SLC25A31: variants seen among roughly 807,000 people sequenced by gnomAD.
The protein encoded by SLC25A31 is ADP/ATP translocase 4.
In SLC25A31, 40 loss-of-function variants were observed where a neutral mutation model predicts 36.2. The ratio of observed to expected loss-of-function variants is 1.10; its 90% confidence interval spans 0.86 to 1.44. The LOEUF (loss-of-function observed/expected upper bound fraction) is 1.44. Ranked by LOEUF, SLC25A31 falls within the 40% of genes most tolerant of loss-of-function variation. The pLI is 0.00. For synonymous variants in SLC25A31, 143 were observed against 149.7 expected, an observed-to-expected ratio of 0.96 and a Z score of 0.32; for missense variants, 350 against 397.1, an observed-to-expected ratio of 0.88 and a Z score of 1.01.
chr4:127,736,035 G>A (rs1453248425), intron 1 of SLC25A31, among the ~76,000 whole-genome samples: 2 of 150,298 alleles, frequency 1.3e-5, no homozygotes, highest in African/African-American at 2.4e-5. Flanking sequence ...GACTACAGGC[G>A]CCCGCTACCA....
At position 127,735,807 on chromosome 4, in the gene SLC25A31, C is replaced by CAA. The variant is rs34015425; in HGVS notation, c.232+5045_232+5046dup. On this transcript the variant is annotated intron_variant, in intron 1 of 5. Transcript: ENST00000281154. ...ATCAAAACATGTTGAACCTCCCCTG[C>CAA]AAAAAAAAAAAAAAAATGTTGGTTT... 5.8e-3 allele frequency among the ~76,000 whole-genome samples: 613 copies of CAA among 105,354 alleles called. 8 individuals are homozygous for CAA. Among genetic ancestry groups the CAA allele is most frequent in the South Asian group, 0.015 (52 of 3,414 alleles). 69.1% of individuals were successfully genotyped at this position (105,354 alleles called of 152,430 possible).
At chr4:127,739,680 T>C (rs1481529000) in intron 1 of SLC25A31, among the ~76,000 whole-genome samples, 1 of 152,174 alleles carries the variant, frequency 6.6e-6, no homozygotes, top group Admixed American at 6.5e-5. Flanking sequence ...ATATGTTTTT[T>C]GGGTTGTTTA....
intron 5 of SLC25A31, among the ~76,000 whole-genome samples, chr4:127,769,627 C>T (rs540522088): frequency 6.6e-6 from 1 of 152,304 alleles, no homozygotes. Flanking sequence ...CTATGCTAAG[C>T]TCTGGTGACA....
At position 127,743,209 on chromosome 4, in the gene SLC25A31, C is replaced by A. The variant is rs146227215; in HGVS notation, c.233-1463C>A. On this transcript the variant is annotated intron_variant, in intron 1 of 5. Coordinates refer to ENST00000281154, the MANE Select transcript of SLC25A31 (RefSeq NM_031291.4). ...GAGGTTGTGTGATCATAGCTCACTG[C>A]AGCCTCTACGTCCTCAGCTCAAGAA... Among the ~76,000 whole-genome samples the A allele has an allele frequency of 2.0e-3, 301 of 150,858 alleles. 7 individuals carry two copies. In the East Asian group the frequency reaches 0.038, roughly 19 times the overall value.
chr4:127,767,520 A>G (rs527298878), intron 4 of SLC25A31, among the ~76,000 whole-genome samples: 1 of 152,300 alleles, frequency 6.6e-6, no homozygotes, highest in South Asian at 2.1e-4. Flanking sequence ...AATCATTGGT[A>G]TATGGAAAGG....
intron 4 of SLC25A31, among the ~76,000 whole-genome samples, chr4:127,767,585 T>A (rs538369541): frequency 6.6e-6 from 1 of 152,322 alleles, no homozygotes; most frequent in South Asian, 2.1e-4. Flanking sequence ...CTTTTTTATA[T>A]TCAAATAATA....
At chr4:127,758,475 C>A (rs933349207) in intron 2 of SLC25A31, among the ~76,000 whole-genome samples, 2 of 152,082 alleles carry the variant, frequency 1.3e-5, no homozygotes, top group Admixed American at 6.6e-5. Context: ...GAAGCTTTTT[C>A]AGTCCCATTT....
rs1436599171 is a variant in SLC25A31, at chr4:127,773,486, A to G, written c.860A>G (p.Asn287Ser). The G allele has an allele frequency of 5.6e-6, 9 of 1,614,000 alleles. No individual in the cohort carries two copies. Among genetic ancestry groups the G allele is most frequent in the Middle Eastern group, 1.6e-4 (1 of 6,084 alleles). ...TCCTTTTTTCGTGGCGCCTTCTCCAATGTTCTTCGCGGTACAGGGGGTGCT... is the reference window on the plus strand; with the variant it reads ...TCCTTTTTTCGTGGCGCCTTCTCCAGTGTTCTTCGCGGTACAGGGGGTGCT... ...ISSFFRGAFS[N>S]VLRGTGGALV... is the part of the protein sequence containing the mutation. The change falls in exon 6 of 6, where the codon AAT (asparagine) becomes AGT (serine). Residue 287 changes from asparagine to serine, a missense_variant. Transcript: ENST00000281154.
intron 2 of SLC25A31, among the ~76,000 whole-genome samples, chr4:127,753,866 G>T (rs1229142774): frequency 6.6e-6 from 1 of 152,054 alleles, no homozygotes; most frequent in Non-Finnish European, 1.5e-5. Context: ...TAGAAGAAAA[G>T]AAAATTACAG....
chr4:127,770,415 A>C, intron 5 of SLC25A31, among the ~76,000 whole-genome samples: 1 of 152,088 alleles, frequency 6.6e-6, no homozygotes, highest in South Asian at 2.1e-4. Flanking sequence ...TCACGAAGTC[A>C]AGAGATCAAG....
chr4:127,764,257 T>G lies in SLC25A31; in HGVS notation c.375T>G (p.Phe125Leu), dbSNP rs1732196593. ...VNKEKQFWRWFLANLASGGAA... is the reference protein window; with the variant it reads ...VNKEKQFWRWLLANLASGGAA... ...ATATGTTTCAGTTCTGGAGGTGGTTTTTGGCAAACCTGGCTTCTGGTGGAG... is the reference window on the plus strand; with the variant it reads ...ATATGTTTCAGTTCTGGAGGTGGTTGTTGGCAAACCTGGCTTCTGGTGGAG... Residue 125 changes from phenylalanine (F) to leucine (L), a missense_variant, in exon 3 of 6, where the codon TTT becomes TTG. Physicochemically the swap from Phe to Leu is conservative, Grantham distance 22. Coordinates refer to ENST00000281154, the MANE Select transcript of SLC25A31 (RefSeq NM_031291.4). 1 of 1,613,834 alleles carries G rather than the reference T, an allele frequency of 6.2e-7. No individual in the cohort carries two copies. The highest frequency in any genetic ancestry group is 8.5e-7 in the Non-Finnish European group (1 of 1,179,888).
chr4:127,773,534 A>T lies in SLC25A31; in HGVS notation c.908A>T (p.Lys303Ile), dbSNP rs761506185. 3 of 1,602,196 alleles carry T rather than the reference A, an allele frequency of 1.9e-6. No homozygotes were observed. Among genetic ancestry groups the T allele is most frequent in the South Asian group, 1.1e-5 (1 of 88,122 alleles). ...GGALVLVLYD[K>I]IKEFFHIDIG... Reference sequence around the variant, plus strand: ...GCTTTGGTGTTGGTATTATATGATAAAATTAAAGAATTCTTTCATATTGAT... The same window carrying T: ...GCTTTGGTGTTGGTATTATATGATATAATTAAAGAATTCTTTCATATTGAT... The change falls in exon 6 of 6, where the codon AAA becomes ATA. Residue 303 changes from lysine to isoleucine, a missense_variant. Coordinates refer to ENST00000281154, the MANE Select transcript of SLC25A31 (RefSeq NM_031291.4).
chr4:127,763,879 T>C (rs1422001568), intron 2 of SLC25A31, among the ~76,000 whole-genome samples: 1 of 152,044 alleles, frequency 6.6e-6, no homozygotes, highest in African/African-American at 2.4e-5. Flanking sequence ...ATTGTAATCA[T>C]AGCAAGCACT....
intron 2 of SLC25A31, among the ~76,000 whole-genome samples, chr4:127,753,570 A>G (rs540387209): frequency 1.3e-5 from 2 of 152,284 alleles, no homozygotes; most frequent in Non-Finnish European, 2.9e-5. Flanking sequence ...CCAAGTAATT[A>G]TGTAGCCTGG....
intron 2 of SLC25A31, among the ~76,000 whole-genome samples, chr4:127,748,122 C>G (rs1366018085): frequency 6.6e-6 from 1 of 152,090 alleles, no homozygotes; most frequent in Non-Finnish European, 1.5e-5. Context: ...GTTTCTGGTC[C>G]CCTTCCAGAG....
intron 2 of SLC25A31, among the ~76,000 whole-genome samples, chr4:127,749,110 G>A (rs1731875600): frequency 6.6e-6 from 1 of 151,314 alleles, no homozygotes; most frequent in African/African-American, 2.4e-5. Context: ...GGAAATCCTG[G>A]AGCTGAAGAA....
Position 127,730,416 on chromosome 4 carries a change from C to G in SLC25A31, c.-130C>G. 9.7e-7 allele frequency: 1 copy of G among 1,027,116 alleles called. No homozygotes were observed. Among genetic ancestry groups the G allele is most frequent in the Non-Finnish European group, 1.4e-6 (1 of 710,860 alleles). The allele number at this position is 1,027,116 out of a possible 1,614,324, so 63.6% of individuals were successfully genotyped here. ...ACGCGCCTCGCCGGCGCGCGGCTCTCTCAGCGTCCCAAGAGCCACTTTCTC... is the reference window on the plus strand; with the variant it reads ...ACGCGCCTCGCCGGCGCGCGGCTCTGTCAGCGTCCCAAGAGCCACTTTCTC... On this transcript the variant is annotated 5_prime_UTR_variant, in exon 1 of 6. Coordinates refer to ENST00000281154, the MANE Select transcript of SLC25A31 (RefSeq NM_031291.4).
chr4:127,755,340 C>T (rs1732009449), intron 2 of SLC25A31, among the ~76,000 whole-genome samples: 1 of 152,000 alleles, frequency 6.6e-6, no homozygotes, highest in Non-Finnish European at 1.5e-5. Flanking sequence ...GATGAGACAA[C>T]CCGTGACTTG....
chr4:127,734,556 CAAAAAA>C (rs34838538), intron 1 of SLC25A31, among the ~76,000 whole-genome samples: 2 of 62,244 alleles, frequency 3.2e-5, no homozygotes, highest in Non-Finnish European at 5.9e-5. Context: ...AAGACTGTCT[CAAAAAA>C]AAAAAAAAAA....
Sources: gnomAD v4.1 joint callset for allele counts (sites outside exome capture counted in the v4.1 genomes callset) on GRCh38, gnomAD v4.1.1 for gene constraint, MANE v1.5 for transcripts, NCBI Gene and HGNC (gene_info 2026-07-23, HGNC 2026-07-21) for gene names.